The following CADM1 variants were observed in gnomAD, a reference collection of about 807,000 sequenced individuals.
The protein encoded by CADM1 is TSLC-1.
Under a neutral mutation model 53.1 loss-of-function variants are expected in CADM1, and 15 were observed. That is an observed-to-expected ratio of 0.28 (90% CI 0.19 to 0.44). The LOEUF is 0.44. Among genes scored for constraint, CADM1 ranks in the 20% least tolerant of loss-of-function variants. The probability of loss-of-function intolerance (pLI) is 1.00; values close to 1 mark genes in which losing one functional copy is unlikely to be tolerated. For synonymous variants in CADM1, 281 were observed against 243.0 expected (o/e 1.16, Z -1.45); for missense variants, 434 against 611.3 (o/e 0.71, Z 3.06).
At chr11:115,328,081 G>T (rs1945006738) in intron 1 of CADM1, among the ~76,000 whole-genome samples, 1 of 151,856 alleles carries the variant, frequency 6.6e-6, no homozygotes, top group Non-Finnish European at 1.5e-5. Context: ...TATATACTAA[G>T]ATCTTCTTTC....
intron 1 of CADM1, among the ~76,000 whole-genome samples, chr11:115,441,956 G>A (rs182362614): frequency 6.6e-6 from 1 of 152,156 alleles, no homozygotes; most frequent in Admixed American, 6.5e-5. Context: ...TGAGGACTGG[G>A]CATTGTACTA....
intron 1 of CADM1, among the ~76,000 whole-genome samples, chr11:115,342,716 C>CT (rs1945480656): frequency 6.6e-6 from 1 of 152,030 alleles, no homozygotes; most frequent in Non-Finnish European, 1.5e-5. Flanking sequence ...TACTTTGTCC[C>CT]TTTTCAAAGA....
chr11:115,209,777 C>T (rs924971318), intron 7 of CADM1, 120 bp from the exon 8 acceptor site: 1 of 1,208,888 alleles, frequency 8.3e-7, no homozygotes, highest in African/African-American at 1.5e-5. Context: ...CCCTTTAAAA[C>T]CAAAAGTTCT....
chr11:115,227,333 G>C (rs1270488344), intron 5 of CADM1, among the ~76,000 whole-genome samples: 1 of 152,182 alleles, frequency 6.6e-6, no homozygotes, highest in African/African-American at 2.4e-5. Context: ...CCAAGGAGTA[G>C]GAGGTGTAGC....
At chr11:115,424,658 CT>C (rs1421933584) in intron 1 of CADM1, among the ~76,000 whole-genome samples, 1 of 152,086 alleles carries the variant, frequency 6.6e-6, no homozygotes, top group Non-Finnish European at 1.5e-5. Flanking sequence ...TCCCAAGTAT[CT>C]GAGATTACAG....
At chr11:115,451,209 C>CA (rs1948564522) in intron 1 of CADM1, among the ~76,000 whole-genome samples, 1 of 152,194 alleles carries the variant, frequency 6.6e-6, no homozygotes, top group South Asian at 2.1e-4. Context: ...AGTCAACTGT[C>CA]ATCTTGGTTG....
At chr11:115,346,275 C>T (rs1363339120) in intron 1 of CADM1, among the ~76,000 whole-genome samples, 1 of 152,148 alleles carries the variant, frequency 6.6e-6, no homozygotes, top group Non-Finnish European at 1.5e-5. Flanking sequence ...TTAAGGACTG[C>T]AAGTGAATGT....
intron 1 of CADM1, among the ~76,000 whole-genome samples, chr11:115,337,753 C>T (rs1023102803): frequency 1.3e-5 from 2 of 151,994 alleles, no homozygotes; most frequent in African/African-American, 4.8e-5. Flanking sequence ...ATTAATACAC[C>T]ATGGAGTAGT....
At chr11:115,340,656 A>ATTTTTTTTTTTTTTT (rs1365807207) in intron 1 of CADM1, among the ~76,000 whole-genome samples, 1 of 52,348 alleles carries the variant, frequency 1.9e-5, no homozygotes, top group African/African-American at 9.6e-5. Context: ...ATATATATAT[A>ATTTTTTTTTTTTTTT]TATTTTTTTT....
chr11:115,239,236 T>C (rs896675440), intron 2 of CADM1, among the ~76,000 whole-genome samples: 13 of 152,132 alleles, frequency 8.5e-5, no homozygotes, highest in Non-Finnish European at 1.6e-4. Context: ...AAACTTATAA[T>C]CTAATAGCAA....
chr11:115,502,093 C>T (rs1158345356), intron 1 of CADM1, among the ~76,000 whole-genome samples: 3 of 152,132 alleles, frequency 2.0e-5, no homozygotes, highest in African/African-American at 7.2e-5. Context: ...TTGACATGCA[C>T]GGTTGAGTTC....
chr11:115,280,545 A>C (rs772029305), intron 1 of CADM1, among the ~76,000 whole-genome samples: 1 of 152,230 alleles, frequency 6.6e-6, no homozygotes, highest in Non-Finnish European at 1.5e-5. Flanking sequence ...TACCGAATGA[A>C]CTTTACCCTG....
At position 115,302,176 on chromosome 11, in the gene CADM1, C is replaced by T. The variant is rs534846840; in HGVS notation, c.125-61756G>A. Among the ~76,000 whole-genome samples, 5 of 151,788 alleles carry T rather than the reference C, an allele frequency of 3.3e-5. No individual in the cohort carries two copies. In the South Asian group the frequency reaches 8.3e-4, roughly 25 times the overall value. On this transcript the variant is annotated intron_variant, in intron 1 of 11. Coordinates refer to ENST00000331581, the MANE Select transcript of CADM1 (RefSeq NM_001301043.2). ...GAGGGGGAAGGGTGGAAGGAGGGAG[C>T]GTATCAGGAAAAATGACTAATGAGT... is the stretch of plus-strand genomic sequence containing the variant.
intron 1 of CADM1, among the ~76,000 whole-genome samples, chr11:115,396,113 G>C (rs1946988173): frequency 1.3e-5 from 2 of 152,164 alleles, no homozygotes; most frequent in Non-Finnish European, 2.9e-5. Context: ...GCCCCTGAGG[G>C]ACCATAATGC....
chr11:115,276,628 A>G (rs1303216512), intron 1 of CADM1, among the ~76,000 whole-genome samples: 1 of 152,216 alleles, frequency 6.6e-6, no homozygotes, highest in Non-Finnish European at 1.5e-5. Flanking sequence ...TCATTACATC[A>G]TAAAACTCTG....
At chr11:115,499,108 A>G (rs1031939243) in intron 1 of CADM1, among the ~76,000 whole-genome samples, 1 of 152,230 alleles carries the variant, frequency 6.6e-6, no homozygotes, top group Non-Finnish European at 1.5e-5. Flanking sequence ...TCTTTAAAAA[A>G]CAACAAAAAA....
intron 1 of CADM1, among the ~76,000 whole-genome samples, chr11:115,448,871 T>A (rs1169622617): frequency 6.6e-6 from 1 of 152,144 alleles, no homozygotes; most frequent in Non-Finnish European, 1.5e-5. Context: ...ATATAGAAGA[T>A]CTCAAATGTA....
chr11:115,188,227 C>T (rs1357278993), intron 10 of CADM1, among the ~76,000 whole-genome samples: 1 of 152,194 alleles, frequency 6.6e-6, no homozygotes, highest in East Asian at 1.9e-4. Flanking sequence ...TAACCACCAG[C>T]TGTCACCAGG....
intron 3 of CADM1, among the ~76,000 whole-genome samples, chr11:115,236,645 G>C (rs1384279419): frequency 6.6e-6 from 1 of 152,082 alleles, no homozygotes; most frequent in Non-Finnish European, 1.5e-5. Context: ...CAGTTGTTTT[G>C]AGAATAAATG....
Sources: gnomAD v4.1 joint callset for allele counts (sites outside exome capture counted in the v4.1 genomes callset) on GRCh38, gnomAD v4.1.1 for gene constraint, MANE v1.5 for transcripts, NCBI Gene and HGNC (gene_info 2026-07-23, HGNC 2026-07-21) for gene names.